FANCE: variants seen among roughly 807,000 people sequenced by gnomAD.
FANCE encodes Fanconi anemia group E protein.
In FANCE, 42 loss-of-function variants were observed where a neutral mutation model predicts 57.8. That is an observed-to-expected ratio of 0.73 (90% CI 0.57 to 0.94). The LOEUF is 0.94. Ranked by LOEUF, FANCE falls within the 40% of genes least tolerant of loss-of-function variation. The pLI, the probability that FANCE is intolerant of heterozygous loss-of-function variation, is 0.00. For missense variants in FANCE, 608 were observed against 661.8 expected (o/e 0.92, Z 0.89); for synonymous variants, 251 against 286.4 (o/e 0.88, Z 1.25).
chr6:35,462,718 A>G, intron 8 of FANCE, 71 bp from the exon 9 acceptor site: 1 of 1,607,060 alleles, frequency 6.2e-7, no homozygotes, highest in Non-Finnish European at 8.5e-7. Context: ...TTGGGAATTG[A>G]ATCCAGGACT....
chr6:35,459,800 G>A, intron 7 of FANCE, 40 bp downstream of exon 7: 2 of 1,566,594 alleles, frequency 1.3e-6, no homozygotes, highest in South Asian at 1.1e-5. Flanking sequence ...ACTGCCACCT[G>A]TTCCCCCAGG....
chr6:35,459,687 G>C lies in FANCE; in HGVS notation c.1243G>C (p.Ala415Pro). ...PVLQAPGTGP[A>P]QTELLCCLVK... ...TTCTGCTGTCCTCTACCCAGGTCCT[G>C]CTCAAACAGAGTTACTGTGTTGCCT... is the stretch of plus-strand genomic sequence containing the variant. The change falls in exon 7 of 10, where the codon GCT (alanine) becomes CCT (proline). Residue 415 changes from alanine to proline, a missense_variant. Coordinates refer to ENST00000229769, the MANE Select transcript of FANCE (RefSeq NM_021922.3). The C allele has an allele frequency of 6.2e-7, 1 of 1,614,096 alleles. No individual in the cohort carries two copies. Among genetic ancestry groups the C allele is most frequent in the South Asian group, 1.1e-5 (1 of 91,080 alleles).
chr6:35,460,159 A>G (rs1767529705), intron 7 of FANCE, among the ~76,000 whole-genome samples: 1 of 151,684 alleles, frequency 6.6e-6, no homozygotes, highest in African/African-American at 2.4e-5. Context: ...CCTGTTGCCC[A>G]GGCTGGAGTG....
chr6:35,460,682 G>C, intron 8 of FANCE, 64 bp downstream of exon 8: 5 of 1,467,278 alleles, frequency 3.4e-6, no homozygotes, highest in Non-Finnish European at 4.8e-6. Context: ...AGCACACGGG[G>C]TTCCTGGGTT....
At chr6:35,463,169 C>T (rs1379604777) in intron 9 of FANCE, among the ~76,000 whole-genome samples, 1 of 152,164 alleles carries the variant, frequency 6.6e-6, no homozygotes, top group Non-Finnish European at 1.5e-5. Flanking sequence ...TGTGGTGGTG[C>T]ACGCCTATAA....
chr6:35,466,400 ATTTC>A lies in FANCE; in HGVS notation c.*62_*65del. ...CTCCATCACCAGCTTCCTGAAGGGC[ATTTC>A]TTTCTTCACCACCTTGTCTTGAGCC... On this transcript the variant is annotated 3_prime_UTR_variant, in exon 10 of 10. Coordinates refer to ENST00000229769, the MANE Select transcript of FANCE (RefSeq NM_021922.3). 8.7e-7 allele frequency: 1 copy of A among 1,147,288 alleles called. No individual in the cohort carries two copies. Among genetic ancestry groups the A allele is most frequent in the South Asian group, 1.2e-5 (1 of 81,590 alleles). 71.1% of individuals were successfully genotyped at this position (1,147,288 alleles called of 1,614,324 possible).
chr6:35,454,898 G>A (rs183865026), intron 1 of FANCE, among the ~76,000 whole-genome samples: 291 of 152,282 alleles, frequency 1.9e-3, no homozygotes, highest in Non-Finnish European at 2.3e-3. Context: ...CAATAAATGC[G>A]CAACAAGTGC....
At chr6:35,462,596 C>T (rs1456846595) in intron 8 of FANCE, among the ~76,000 whole-genome samples, 193 bp from the exon 9 acceptor site, 1 of 152,116 alleles carries the variant, frequency 6.6e-6, no homozygotes, top group Non-Finnish European at 1.5e-5. Context: ...TCATTTAATC[C>T]TTTTCACAGT....
At position 35,452,751 on chromosome 6, in the gene FANCE, G is replaced by A. The variant is rs758238449; in HGVS notation, c.206G>A (p.Arg69Gln). ...DWGRLLEALC[R>Q]EEPVVQGPDG... is the part of the protein sequence containing the mutation. ...GGTCGCTTGCTCGAGGCCCTGTGCC[G>A]GGAGGAGCCGGTCGTGCAGGGGCCT... is the stretch of plus-strand genomic sequence containing the variant. The change falls in exon 1 of 10, where the codon CGG becomes CAG. Residue 69 changes from arginine to glutamine, a missense_variant. Physicochemically the swap from Arg to Gln is conservative, Grantham distance 43. Coordinates refer to ENST00000229769, the MANE Select transcript of FANCE (RefSeq NM_021922.3). The A allele has an allele frequency of 1.1e-4, 140 of 1,273,382 alleles. No individual in the cohort carries two copies. The African/African-American group carries it at 1.7e-3, about 16-fold the overall frequency. The allele number at this position is 1,273,382 out of a possible 1,614,324, so 78.9% of individuals were successfully genotyped here.
At chr6:35,459,623 CT>C in intron 6 of FANCE, 58 bp from the exon 7 acceptor site, 1 of 1,589,412 alleles carries the variant, frequency 6.3e-7, no homozygotes, top group Non-Finnish European at 8.6e-7. Flanking sequence ...CGCCTCCCTG[CT>C]TTCTGCTGTC....
intron 9 of FANCE, among the ~76,000 whole-genome samples, chr6:35,464,791 GCT>G (rs1410777333): frequency 1.4e-5 from 2 of 140,544 alleles, no homozygotes; most frequent in Non-Finnish European, 1.5e-5. Flanking sequence ...GGAGTGCAGT[GCT>G]GCGATCTCGG....
Position 35,456,220 on chromosome 6 carries a change from C to T in FANCE, c.722C>T (p.Ser241Phe), listed in dbSNP as rs933204286. The change falls in exon 2 of 10, where the codon TCC becomes TTC. Residue 241 changes from serine (S) to phenylalanine (F), a missense_variant. Coordinates refer to ENST00000229769, the MANE Select transcript of FANCE (RefSeq NM_021922.3). This position sits in a 1 kb window ranked among gnomAD's most constrained non-coding sequence, Gnocchi z 4.3. ...AGACCCGAACATAAGTCACTGGAAT[C>T]CCTGGCAGATGGAGGAAGTGCATCT... ...KERPEHKSLE[S>F]LADGGSASPI... is the part of the protein sequence containing the mutation. 1.9e-6 allele frequency: 3 copies of T among 1,614,142 alleles called. No individual in the cohort carries two copies. The African/African-American group carries it at 4.0e-5, about 22-fold the overall frequency.
intron 9 of FANCE, among the ~76,000 whole-genome samples, chr6:35,464,391 C>T (rs909944592): frequency 3.3e-5 from 5 of 150,904 alleles, no homozygotes; most frequent in African/African-American, 1.2e-4. Flanking sequence ...GCGCGCGCCA[C>T]CATGCCCGGC....
chr6:35,466,261 G>C lies in FANCE; in HGVS notation c.1527G>C (p.Arg509Ser). The stretch of plus-strand genomic sequence containing the variant: ...CTCCCCAGATCACTGAGACCCAGAG[G>C]CTGGGCCTGGCTATGGCCCTAGAAC... ...KYQANITETQ[R>S]LGLAMALEPN... is the part of the protein sequence containing the mutation. The change falls in exon 10 of 10, where the codon AGG becomes AGC. Residue 509 changes from arginine to serine, a missense_variant. Transcript: ENST00000229769. The C allele has an allele frequency of 6.2e-7, 1 of 1,612,086 alleles. No homozygotes were observed. The highest frequency in any genetic ancestry group is 8.5e-7 in the Non-Finnish European group (1 of 1,178,108).
chr6:35,457,529 T>C (rs756882078), intron 2 of FANCE, 27 bp from the exon 3 acceptor site: 2 of 1,613,264 alleles, frequency 1.2e-6, no homozygotes, highest in East Asian at 2.2e-5. Flanking sequence ...GGGAGGGACG[T>C]AGCAGTGACT....
chr6:35,457,777 A>G, intron 3 of FANCE, 139 bp from the exon 4 acceptor site: 2 of 1,013,704 alleles, frequency 2.0e-6, no homozygotes, highest in Non-Finnish European at 3.1e-6. Flanking sequence ...TAGACTTACC[A>G]TCTAACCCCA....
In FANCE at chr6:35,452,740, G is replaced by A. The variant is rs1336813320; in HGVS notation, c.195G>A (p.Glu65=). 7.1e-6 allele frequency: 9 copies of A among 1,262,244 alleles called. No homozygotes were observed. Among genetic ancestry groups the A allele is most frequent in the East Asian group, 3.1e-5 (1 of 31,956 alleles). 78.2% of individuals were successfully genotyped at this position (1,262,244 alleles called of 1,614,324 possible). ...WEPFDWGRLL[E]ALCREEPVVQ... ...CCTTCGACTGGGGTCGCTTGCTCGA[G>A]GCCCTGTGCCGGGAGGAGCCGGTCG... The change falls in exon 1 of 10, where the codon GAG becomes GAA. Residue 65 remains glutamate, a synonymous_variant. Transcript: ENST00000229769.
intron 9 of FANCE, 105 bp from the exon 10 acceptor site, chr6:35,466,139 T>C (rs1767824441): frequency 1.3e-6 from 1 of 794,636 alleles, no homozygotes; most frequent in African/African-American, 1.7e-5. Context: ...CTCCTCCTCT[T>C]TCCATCCTCC....
rs1385515414 is a variant in FANCE, at chr6:35,460,131, GT to G, written c.1316+372del. Among the ~76,000 whole-genome samples the G allele has an allele frequency of 8.5e-5, 9 of 105,436 alleles. No homozygotes were observed. The Admixed American group carries it at 9.2e-4, about 11-fold the overall frequency. The allele number at this position is 105,436 out of a possible 152,430, so 69.2% of individuals were successfully genotyped here. On this transcript the variant is annotated intron_variant, in intron 7 of 9. Transcript: ENST00000229769. ...ATTTTTTTTTGGCGGGGGGTGGGGG[GT>G]GGGGACGGAGTCTTGCCCTGTTGCC...
Sources: allele counts gnomAD v4.1 joint callset (sites outside exome capture counted in the v4.1 genomes callset), GRCh38; gene constraint gnomAD v4.1.1; non-coding constraint Gnocchi (gnomAD v3.1); transcripts MANE v1.5; gene names NCBI Gene and HGNC (gene_info 2026-07-23, HGNC 2026-07-21).